The following MYO5A variants were observed in gnomAD, a reference collection of about 807,000 sequenced individuals.
The protein encoded by MYO5A is myosin VA.
In MYO5A, 98 loss-of-function variants were observed where a neutral mutation model predicts 249.7. The observed-to-expected ratio is 0.39, with a 90% CI of 0.33 to 0.46. The LOEUF (loss-of-function observed/expected upper bound fraction) is 0.46. MYO5A is among the 20% of genes least tolerant of loss of function. The pLI is 0.98. For synonymous variants in MYO5A, 778 were observed against 810.6 expected (o/e 0.96, Z 0.68); for missense variants, 1,696 against 2,308.8 (o/e 0.73, Z 5.44).
intron 1 of MYO5A, among the ~76,000 whole-genome samples, chr15:52,435,313 G>A (rs910098811): frequency 1.6e-5 from 2 of 124,086 alleles, no homozygotes; most frequent in African/African-American, 6.3e-5. Flanking sequence ...CTGTCACTCT[G>A]TCACCCAGGC....
intron 12 of MYO5A, among the ~76,000 whole-genome samples, chr15:52,391,039 G>T (rs1347619876): frequency 6.6e-6 from 1 of 151,860 alleles, no homozygotes; most frequent in Non-Finnish European, 1.5e-5. Flanking sequence ...TATATACCTT[G>T]GATACTTTTG....
chr15:52,336,408 A>T, intron 34 of MYO5A, 55 bp downstream of exon 34: 1 of 1,203,482 alleles, frequency 8.3e-7, no homozygotes, highest in Non-Finnish European at 1.2e-6. Context: ...CCTAGTCTTT[A>T]AGCCAAGACT....
chr15:52,421,109 T>A (rs2043766826), intron 4 of MYO5A, among the ~76,000 whole-genome samples: 1 of 152,220 alleles, frequency 6.6e-6, no homozygotes, highest in Non-Finnish European at 1.5e-5. Flanking sequence ...ATTATCCTTA[T>A]GAGGAACCAT....
chr15:52,389,210 A>T (rs368021820), intron 13 of MYO5A, 28 bp downstream of exon 13: 2 of 1,606,124 alleles, frequency 1.2e-6, no homozygotes, highest in Non-Finnish European at 8.5e-7. Flanking sequence ...AGTATTCAAA[A>T]AGAAAAACTG....
chr15:52,477,925 A>AC (rs1185997692), intron 1 of MYO5A, among the ~76,000 whole-genome samples: 1 of 151,996 alleles, frequency 6.6e-6, no homozygotes, highest in African/African-American at 2.4e-5. Flanking sequence ...GAGAACCACT[A>AC]CTCTCTTGAA....
intron 2 of MYO5A, among the ~76,000 whole-genome samples, chr15:52,430,639 A>C (rs2075508176): frequency 6.6e-6 from 1 of 152,142 alleles, no homozygotes; most frequent in African/African-American, 2.4e-5. Context: ...CCCTGTCCCT[A>C]GTCTTGCTTT....
intron 1 of MYO5A, among the ~76,000 whole-genome samples, chr15:52,471,380 G>A (rs906175239): frequency 2.6e-5 from 4 of 152,138 alleles, no homozygotes; most frequent in African/African-American, 9.7e-5. Context: ...AAGGTGGGAG[G>A]ATCGCTTGAG....
chr15:52,460,658 C>G (rs1412050269), intron 1 of MYO5A, among the ~76,000 whole-genome samples: 1 of 151,864 alleles, frequency 6.6e-6, no homozygotes, highest in Non-Finnish European at 1.5e-5. Flanking sequence ...GAGGACCGTG[C>G]GAGGGCGAGG....
chr15:52,450,855 T>TTTTTGTTTGTTTTTTG (rs2076005719), intron 1 of MYO5A, among the ~76,000 whole-genome samples: 4 of 144,452 alleles, frequency 2.8e-5, no homozygotes, highest in African/African-American at 7.7e-5. Flanking sequence ...TTTTTTTTTT[T>TTTTTGTTTGTTTTTTG]TTTTTTTTTT....
At chr15:52,382,356 G>T (rs1042690500) in intron 16 of MYO5A, among the ~76,000 whole-genome samples, 1 of 152,092 alleles carries the variant, frequency 6.6e-6, no homozygotes, top group Non-Finnish European at 1.5e-5. Context: ...GACGGATCAC[G>T]AAGTCAGGAG....
At chr15:52,509,870 ATTC>A (rs1566868643) in intron 1 of MYO5A, among the ~76,000 whole-genome samples, 5 of 151,880 alleles carry the variant, frequency 3.3e-5, no homozygotes, top group African/African-American at 1.2e-4. Context: ...AATCTGTGCC[ATTC>A]TCCTTCTCTA....
intron 1 of MYO5A, among the ~76,000 whole-genome samples, chr15:52,453,999 G>A (rs1225340012): frequency 1.3e-5 from 2 of 152,042 alleles, no homozygotes; most frequent in Non-Finnish European, 2.9e-5. Flanking sequence ...AATGACAGTA[G>A]AAAGTACTTA....
At position 52,311,155 on chromosome 15, in the gene MYO5A, A is replaced by G. The variant is rs529227403; in HGVS notation, c.*2541T>C. ...CCTTTCTTTCATGACGCTTCAGTAC[A>G]TGAGCTGTCCGGAGTAAAAAAAAGG... On this transcript the variant is annotated 3_prime_UTR_variant, in exon 42 of 42. Transcript: ENST00000399233. 4.5e-4 allele frequency: 69 copies of G among 152,396 alleles called. No individual in the cohort carries two copies. Among genetic ancestry groups the G allele is most frequent in the African/African-American group, 1.5e-3 (63 of 41,560 alleles). 9.4% of individuals were successfully genotyped at this position (152,396 alleles called of 1,614,324 possible). A position where few individuals can be genotyped will look rare whatever the true frequency, so the allele number is the denominator to read the frequency against.
At chr15:52,345,753 T>C (rs536432168) in intron 30 of MYO5A, among the ~76,000 whole-genome samples, 7 of 152,320 alleles carry the variant, frequency 4.6e-5, no homozygotes, top group African/African-American at 1.7e-4. Flanking sequence ...ATGGCAATAT[T>C]CTTCAGTTTA....
chr15:52,490,966 C>G (rs2076923742), intron 1 of MYO5A, among the ~76,000 whole-genome samples: 1 of 152,102 alleles, frequency 6.6e-6, no homozygotes, highest in African/African-American at 2.4e-5. Flanking sequence ...AGGGATCCTC[C>G]TGCCCCAGCC....
chr15:52,384,191 G>C lies in MYO5A; in HGVS notation c.1884C>G (p.Ala628=). ...GCCCCACTGTTTTCTTGTGCTCTTT[G>C]GCCATTTGGCCTGGTCTGCCTTTGG... ...KPTKGRPGQM[A]KEHKKTVGHQ... Residue 628 remains alanine (A), a synonymous_variant, in exon 15 of 42, where the codon GCC becomes GCG. Coordinates refer to ENST00000399233, the MANE Select transcript of MYO5A (RefSeq NM_001382347.1). The C allele has an allele frequency of 6.2e-7, 1 of 1,614,148 alleles. No homozygotes were observed. Among genetic ancestry groups the C allele is most frequent in the Non-Finnish European group, 8.5e-7 (1 of 1,180,010 alleles).
At chr15:52,334,853 T>C (rs1052750208) in intron 34 of MYO5A, among the ~76,000 whole-genome samples, 70 of 152,290 alleles carry the variant, frequency 4.6e-4, no homozygotes, top group African/African-American at 1.5e-3. Flanking sequence ...GTCGGCCAAA[T>C]TGTGGTACAC....
chr15:52,409,367 T>C (rs1233158595), intron 6 of MYO5A, among the ~76,000 whole-genome samples: 1 of 152,182 alleles, frequency 6.6e-6, no homozygotes, highest in South Asian at 2.1e-4. Context: ...AAAAAACCTA[T>C]AGAAATAGCC....
At position 52,500,903 on chromosome 15, in the gene MYO5A, A is replaced by C. The variant is rs953949202; in HGVS notation, c.27+27877T>G. 2.6e-5 allele frequency among the ~76,000 whole-genome samples: 4 copies of C among 152,258 alleles called. No homozygotes were observed. The East Asian group carries it at 7.7e-4, about 29-fold the overall frequency. ...AGGCATCTCAATTCTAAAAGCATCAAACAATGCTTTAAATATATTATAAAA... is the reference window on the plus strand; with the variant it reads ...AGGCATCTCAATTCTAAAAGCATCACACAATGCTTTAAATATATTATAAAA... On this transcript the variant is annotated intron_variant, in intron 1 of 41. Transcript: ENST00000399233.
Sources: allele counts gnomAD v4.1 joint callset (sites outside exome capture counted in the v4.1 genomes callset), GRCh38; gene constraint gnomAD v4.1.1; transcripts MANE v1.5; gene names NCBI Gene and HGNC (gene_info 2026-07-23, HGNC 2026-07-21).